Variants in RARB observed in about 807,000 individuals in gnomAD.
The protein encoded by RARB is retinoic acid receptor beta, also known as HBV-activated protein.
Under a neutral mutation model 51.9 loss-of-function variants are expected in RARB, and 17 were observed. The observed-to-expected ratio is 0.33, with a 90% CI of 0.22 to 0.49. The LOEUF (loss-of-function observed/expected upper bound fraction) is 0.49, where lower values mean the gene tolerates loss of function less well. Among genes scored for constraint, RARB ranks in the 20% least tolerant of loss-of-function variants. The probability of loss-of-function intolerance (pLI) is 0.99; values close to 1 mark genes in which losing one functional copy is unlikely to be tolerated. For synonymous variants in RARB, 215 were observed against 195.4 expected (o/e 1.10, Z -0.84); for missense variants, 369 against 550.8 (o/e 0.67, Z 3.30).
At chr3:25,473,322 G>A (rs1695791649) in intron 2 of RARB, among the ~76,000 whole-genome samples, 1 of 151,962 alleles carries the variant, frequency 6.6e-6, no homozygotes. Context: ...AAAAAATAGA[G>A]GGAAATAAAA....
At chr3:25,342,840 A>T (rs1389946492) in intron 5 of RARB, among the ~76,000 whole-genome samples, 1 of 152,192 alleles carries the variant, frequency 6.6e-6, no homozygotes, top group Non-Finnish European at 1.5e-5. Flanking sequence ...TCTGAAGTAC[A>T]AAGAAAATAG....
chr3:25,452,166 T>C (rs1405637946), intron 1 of RARB, among the ~76,000 whole-genome samples: 1 of 152,252 alleles, frequency 6.6e-6, no homozygotes, highest in Admixed American at 6.5e-5. Context: ...AGGATTTATT[T>C]GAACACTGGC....
chr3:24,923,497 T>TC (rs1275084962), intron 2 of RARB, among the ~76,000 whole-genome samples: 1 of 152,158 alleles, frequency 6.6e-6, no homozygotes. Context: ...CTTCTTTCTT[T>TC]TTCTTTTTTT....
chr3:25,155,866 G>A (rs1700365113), intron 4 of RARB, among the ~76,000 whole-genome samples: 1 of 152,162 alleles, frequency 6.6e-6, no homozygotes, highest in African/African-American at 2.4e-5. Flanking sequence ...GGGGGCATTG[G>A]TTCCCAGCCT....
intron 3 of RARB, among the ~76,000 whole-genome samples, chr3:25,112,158 C>A (rs1209386197): frequency 6.6e-6 from 1 of 152,134 alleles, no homozygotes. Flanking sequence ...CATTGAGTAG[C>A]TTAAATCAAG....
chr3:25,497,676 C>G (rs1285284633), intron 2 of RARB, among the ~76,000 whole-genome samples: 2 of 152,160 alleles, frequency 1.3e-5, no homozygotes, highest in African/African-American at 2.4e-5. Context: ...GCTTGCAGCC[C>G]AGGCGTTCAA....
At chr3:24,880,077 T>C (rs958213259) in intron 2 of RARB, among the ~76,000 whole-genome samples, 4 of 152,162 alleles carry the variant, frequency 2.6e-5, no homozygotes, top group Non-Finnish European at 5.9e-5. Context: ...TTTTTTCCTC[T>C]ATTTTTTGCT....
At chr3:25,171,300 C>G (rs1192031917) in intron 4 of RARB, among the ~76,000 whole-genome samples, 3 of 151,906 alleles carry the variant, frequency 2.0e-5, no homozygotes, top group African/African-American at 7.3e-5. Context: ...CACTGCTAAT[C>G]TTTTTTTCTA....
chr3:25,055,272 A>G (rs966395688), intron 2 of RARB, among the ~76,000 whole-genome samples: 17 of 152,178 alleles, frequency 1.1e-4, no homozygotes, highest in African/African-American at 3.1e-4. Flanking sequence ...GAGGTATCCT[A>G]TAGTTCATTG....
chr3:25,072,833 C>G (rs531004326), intron 3 of RARB, among the ~76,000 whole-genome samples: 1 of 151,892 alleles, frequency 6.6e-6, no homozygotes, highest in East Asian at 1.9e-4. Context: ...CTCAGCCTGC[C>G]GAGTAGCTGG....
chr3:25,531,516 C>G (rs549072464), intron 3 of RARB, among the ~76,000 whole-genome samples: 1 of 152,098 alleles, frequency 6.6e-6, no homozygotes, highest in African/African-American at 2.4e-5. Context: ...CTGGTAGTTT[C>G]TCTGGTGATA....
intron 2 of RARB, among the ~76,000 whole-genome samples, chr3:24,941,757 C>T (rs951803580): frequency 1.3e-5 from 2 of 152,210 alleles, no homozygotes; most frequent in African/African-American, 4.8e-5. Context: ...CTGTAGAACA[C>T]TTCATTCACT....
At chr3:24,993,803 C>T (rs947647717) in intron 2 of RARB, among the ~76,000 whole-genome samples, 10 of 152,096 alleles carry the variant, frequency 6.6e-5, no homozygotes, top group African/African-American at 1.9e-4. Flanking sequence ...TATGATCCTC[C>T]AGTTCCATTC....
intron 3 of RARB, among the ~76,000 whole-genome samples, chr3:25,125,300 C>A (rs1470588768): frequency 1.3e-5 from 2 of 152,124 alleles, no homozygotes; most frequent in African/African-American, 2.4e-5. Context: ...TGTATTCATT[C>A]AACAAATAGT....
chr3:25,316,078 T>C (rs1027634435), intron 5 of RARB, among the ~76,000 whole-genome samples: 1 of 152,226 alleles, frequency 6.6e-6, no homozygotes, highest in Non-Finnish European at 1.5e-5. Flanking sequence ...AGAAATATTT[T>C]TATATTTCTA....
chr3:25,551,775 G>A (rs181646547), intron 3 of RARB, among the ~76,000 whole-genome samples: 56 of 152,266 alleles, frequency 3.7e-4, no homozygotes, highest in South Asian at 3.1e-3. Context: ...TAGATGGGCT[G>A]CCAGATAGGT....
rs553450138 is a variant in RARB at position 25,376,903 on chromosome 3, C to T, written c.179-84290C>T. Among the ~76,000 whole-genome samples the T allele has an allele frequency of 7.2e-5, 11 of 152,344 alleles. No individual in the cohort carries two copies. In the South Asian group the frequency reaches 1.9e-3, roughly 26 times the overall value. On this transcript the variant is annotated intron_variant, in intron 5 of 11. Coordinates refer to the RARB transcript ENST00000383772. Reference sequence around the variant, plus strand: ...GTCCCATTTCTAACCCCCTATGTCTCCTGGAGCCTACCCAGTGTGCCATGT... The same window carrying T: ...GTCCCATTTCTAACCCCCTATGTCTTCTGGAGCCTACCCAGTGTGCCATGT...
At chr3:25,147,882 A>G (rs1490010576) in intron 4 of RARB, among the ~76,000 whole-genome samples, 1 of 152,204 alleles carries the variant, frequency 6.6e-6, no homozygotes, top group East Asian at 1.9e-4. Flanking sequence ...ATACCCTTTC[A>G]TATTGTCTCC....
intron 5 of RARB, among the ~76,000 whole-genome samples, chr3:25,279,734 G>C (rs942594025): frequency 8.5e-5 from 13 of 152,138 alleles, no homozygotes; most frequent in African/African-American, 3.1e-4. Context: ...GGTGAGGATG[G>C]TTGAGGACTA....
Sources: allele counts gnomAD v4.1 joint callset (sites outside exome capture counted in the v4.1 genomes callset), GRCh38; gene constraint gnomAD v4.1.1; transcripts MANE v1.5; gene names NCBI Gene and HGNC (gene_info 2026-07-23, HGNC 2026-07-21).